DLGAP1: variants seen among roughly 807,000 people sequenced by gnomAD.
DLGAP1 encodes DLG associated protein 1, also known as disks large-associated protein 1.
Under a neutral mutation model 90.8 loss-of-function variants are expected in DLGAP1, and 11 were observed. That is an observed-to-expected ratio of 0.12 (90% CI 0.08 to 0.20). The LOEUF is 0.20. DLGAP1 is among the 10% of genes least tolerant of loss of function. The pLI, the probability that DLGAP1 is intolerant of heterozygous loss-of-function variation, is 1.00. For missense variants in DLGAP1, 1,050 were observed against 1,333.8 expected (o/e 0.79, Z 3.31); for synonymous variants, 558 against 540.7 (o/e 1.03, Z -0.44).
Position 3,729,509 on chromosome 18 carries a change from C to T in DLGAP1, c.1351-134G>A, listed in dbSNP as rs1195113555. The T allele has an allele frequency of 8.0e-7, 1 of 1,243,894 alleles. No individual in the cohort carries two copies. Among genetic ancestry groups the T allele is most frequent in the Non-Finnish European group, 1.1e-6 (1 of 909,400 alleles). The allele number at this position is 1,243,894 out of a possible 1,614,324, so 77.1% of individuals were successfully genotyped here. A position where few individuals can be genotyped will look rare whatever the true frequency, so the allele number is the denominator to read the frequency against. On this transcript the variant is annotated intron_variant, in intron 6 of 12. Transcript: ENST00000315677. The surrounding 1 kb of genome is among the most constrained non-coding windows in gnomAD (Gnocchi z 6.2). ...GATTAAGCTCAAATGCATTTTATTT[C>T]CTTTCTGTTACAGGCTATAATTGAA...
At chr18:4,032,617 C>T (rs549239632) in intron 2 of DLGAP1, among the ~76,000 whole-genome samples, 2 of 152,122 alleles carry the variant, frequency 1.3e-5, no homozygotes, top group African/African-American at 4.8e-5. Flanking sequence ...AGAGTTTCTA[C>T]AGCAGGGCCG....
intron 1 of DLGAP1, among the ~76,000 whole-genome samples, chr18:4,255,732 A>C (rs888308919): frequency 1.6e-4 from 24 of 152,096 alleles, no homozygotes; most frequent in African/African-American, 5.5e-4. Flanking sequence ...TACTACCTAA[A>C]CCTCTAAGTG....
At chr18:3,793,472 C>A (rs1239077090) in intron 5 of DLGAP1, among the ~76,000 whole-genome samples, 4 of 152,078 alleles carry the variant, frequency 2.6e-5, no homozygotes. Flanking sequence ...AGAGTACAAC[C>A]CAAAGTATTG....
At chr18:4,226,683 CA>C (rs34227245) in intron 1 of DLGAP1, among the ~76,000 whole-genome samples, 110,926 of 125,568 alleles carry the variant, frequency 0.88, 48,941 homozygotes, top group Non-Finnish European at 0.93. Context: ...ATGGTAAACT[CA>C]AAAAAAAAAA....
intron 3 of DLGAP1, among the ~76,000 whole-genome samples, chr18:3,888,937 G>A (rs1398807849): frequency 6.6e-6 from 1 of 152,078 alleles, no homozygotes; most frequent in Non-Finnish European, 1.5e-5. Context: ...TGGTTATCTC[G>A]GCTAAATGGA....
chr18:4,061,460 A>G (rs1157863179), intron 2 of DLGAP1, among the ~76,000 whole-genome samples: 5 of 152,220 alleles, frequency 3.3e-5, no homozygotes, highest in African/African-American at 1.2e-4. Flanking sequence ...GAACATTGGA[A>G]TAAAAGTACA....
At chr18:4,013,983 T>C (rs1162805345) in intron 2 of DLGAP1, 2 of 152,140 alleles carry the variant, frequency 1.3e-5, no homozygotes, top group Non-Finnish European at 2.9e-5. Context: ...TATCAATCTG[T>C]AAGAGACTAT....
intron 7 of DLGAP1, among the ~76,000 whole-genome samples, chr18:3,666,508 T>C (rs2059890001): frequency 6.6e-6 from 1 of 152,104 alleles, no homozygotes; most frequent in Admixed American, 6.6e-5. Context: ...ATGGAACACC[T>C]ACCAATCCGA....
At chr18:3,676,541 C>T (rs935219271) in intron 7 of DLGAP1, among the ~76,000 whole-genome samples, 1 of 152,146 alleles carries the variant, frequency 6.6e-6, no homozygotes, top group African/African-American at 2.4e-5. Flanking sequence ...AATGTAGCAG[C>T]TTCAGTATAA....
chr18:3,514,957 G>T (rs1285507541), intron 10 of DLGAP1, among the ~76,000 whole-genome samples: 2 of 151,962 alleles, frequency 1.3e-5, no homozygotes, highest in East Asian at 3.9e-4. Flanking sequence ...TGCCCAGGCT[G>T]GTCTCAAGCT....
intron 12 of DLGAP1, among the ~76,000 whole-genome samples, chr18:3,501,074 C>G (rs2049905039): frequency 6.6e-6 from 1 of 151,964 alleles, no homozygotes; most frequent in Non-Finnish European, 1.5e-5. Context: ...ACCACCACGC[C>G]CAGCTAATTT....
At chr18:3,832,599 T>A (rs1490005711) in intron 4 of DLGAP1, among the ~76,000 whole-genome samples, 1 of 152,108 alleles carries the variant, frequency 6.6e-6, no homozygotes, top group African/African-American at 2.4e-5. Context: ...TTATTTTTCC[T>A]TGCAGTGGAT....
chr18:3,585,054 G>C (rs574422060), intron 7 of DLGAP1, among the ~76,000 whole-genome samples: 1 of 152,016 alleles, frequency 6.6e-6, no homozygotes, highest in Non-Finnish European at 1.5e-5. Context: ...TGCCATGCCC[G>C]GCCCATCTTT....
At chr18:4,082,050 A>G (rs1433384294) in intron 2 of DLGAP1, among the ~76,000 whole-genome samples, 1 of 151,984 alleles carries the variant, frequency 6.6e-6, no homozygotes, top group African/African-American at 2.4e-5. Context: ...TCTATTAAAA[A>G]TACAAAAAGG....
intron 5 of DLGAP1, among the ~76,000 whole-genome samples, chr18:3,799,111 G>C (rs2066160687): frequency 6.6e-6 from 1 of 152,070 alleles, no homozygotes; most frequent in Non-Finnish European, 1.5e-5. Flanking sequence ...TCCTGACCTC[G>C]TGATCCACCA....
intron 1 of DLGAP1, among the ~76,000 whole-genome samples, chr18:4,436,570 C>T (rs1338458027): frequency 6.6e-6 from 1 of 151,784 alleles, no homozygotes; most frequent in Non-Finnish European, 1.5e-5. Context: ...CACATTCATG[C>T]CTGAGCCCAC....
At position 3,562,224 on chromosome 18, in the gene DLGAP1, G is replaced by A. The variant is rs531737126; in HGVS notation, c.2057+5266C>T. Among the ~76,000 whole-genome samples the A allele has an allele frequency of 1.1e-4, 16 of 151,906 alleles. No homozygotes were observed. In the East Asian group the frequency reaches 1.2e-3, roughly 11 times the overall value. On this transcript the variant is annotated intron_variant, in intron 9 of 12. Transcript: ENST00000315677. ...CCTGGGCAACAAGAGCAAAAACTCC[G>A]TCTCAAAAAATAATAATAATAATAA...
intron 2 of DLGAP1, among the ~76,000 whole-genome samples, chr18:4,095,373 G>A (rs1232276333): frequency 2.6e-5 from 4 of 152,182 alleles, no homozygotes; most frequent in African/African-American, 9.6e-5. Context: ...AGGCTTGGAT[G>A]CTTTTAGACA....
At chr18:3,957,543 CTTAGA>C (rs1479324563) in intron 3 of DLGAP1, among the ~76,000 whole-genome samples, 1 of 152,090 alleles carries the variant, frequency 6.6e-6, no homozygotes, top group African/African-American at 2.4e-5. Context: ...TTACATGTAT[CTTAGA>C]TATTTTTAAA....
Sources: gnomAD v4.1 joint callset for allele counts (sites outside exome capture counted in the v4.1 genomes callset) on GRCh38, gnomAD v4.1.1 for gene constraint, Gnocchi (gnomAD v3.1) non-coding constraint, MANE v1.5 for transcripts, NCBI Gene and HGNC (gene_info 2026-07-23, HGNC 2026-07-21) for gene names.